RBFOX1: variants seen among roughly 807,000 people sequenced by gnomAD.
The protein encoded by RBFOX1 is RNA binding protein fox-1 homolog 1.
Under a neutral mutation model 57.7 loss-of-function variants are expected in RBFOX1, and 8 were observed. That is an observed-to-expected ratio of 0.14 (90% CI 0.08 to 0.25). The LOEUF (loss-of-function observed/expected upper bound fraction) is 0.25, where lower values mean the gene tolerates loss of function less well. Among genes scored for constraint, RBFOX1 ranks in the 10% least tolerant of loss-of-function variants. The pLI is 1.00. For synonymous variants in RBFOX1, 326 were observed against 222.4 expected, an observed-to-expected ratio of 1.47 and a Z score of -4.15; for missense variants, 611 against 548.5, an observed-to-expected ratio of 1.11 and a Z score of -1.14.
chr16:6,984,414 G>A (rs976020336), intron 3 of RBFOX1, among the ~76,000 whole-genome samples: 1 of 152,068 alleles, frequency 6.6e-6, no homozygotes, highest in East Asian at 1.9e-4. Flanking sequence ...CAGCCTAGGG[G>A]TATCTCCAGT....
At chr16:7,586,210 A>G (rs535989111) in intron 6 of RBFOX1, among the ~76,000 whole-genome samples, 7 of 152,170 alleles carry the variant, frequency 4.6e-5, no homozygotes, top group Admixed American at 6.5e-5. Context: ...ATGATTTTAC[A>G]TTACCCTCTC....
At position 5,623,408 on chromosome 16, in the gene RBFOX1, C is replaced by G. The variant is rs78506091; in HGVS notation, c.318+24447C>G. On this transcript the variant is annotated intron_variant, in intron 3 of 19. Transcript: ENST00000641259. ...CTGAACAAAACAAAACAGAGAAAGT[C>G]TCTACTCTCAGCGAGTTTCTGTTCT... is the stretch of plus-strand genomic sequence containing the variant. Among the ~76,000 whole-genome samples the G allele has an allele frequency of 6.0e-3, 907 of 152,260 alleles. 9 individuals carry two copies. Among genetic ancestry groups the G allele is most frequent in the African/African-American group, 0.021 (862 of 41,546 alleles).
chr16:7,374,307 T>C (rs1400224126), intron 4 of RBFOX1, among the ~76,000 whole-genome samples: 1 of 152,224 alleles, frequency 6.6e-6, no homozygotes, highest in African/African-American at 2.4e-5. Flanking sequence ...CGGAATGTCC[T>C]TCTTAAGGTG....
Position 6,791,203 on chromosome 16 carries a change from G to A in RBFOX1, c.-16+136553G>A, listed in dbSNP as rs78988286. ...GTTACTGGTGTGAGCCACCACACCC[G>A]GCCTGTTCTTGTCTATCTTTATAGA... is the stretch of plus-strand genomic sequence containing the variant. On this transcript the variant is annotated intron_variant, in intron 3 of 15. Coordinates refer to ENST00000550418, the MANE Select transcript of RBFOX1 (RefSeq NM_018723.4). 0.023 allele frequency among the ~76,000 whole-genome samples: 3,551 copies of A among 152,174 alleles called. 269 individuals carry two copies. In the East Asian group the frequency reaches 0.28, roughly 12 times the overall value.
At chr16:6,381,091 T>A (rs113311954) in intron 2 of RBFOX1, among the ~76,000 whole-genome samples, 235 of 152,162 alleles carry the variant, frequency 1.5e-3, no homozygotes, top group African/African-American at 5.4e-3. Context: ...TTTGGGAAGT[T>A]TTTGGAGGAA....
chr16:6,044,129 G>C (rs1231166856), intron 1 of RBFOX1, among the ~76,000 whole-genome samples: 1 of 152,168 alleles, frequency 6.6e-6, no homozygotes, highest in Non-Finnish European at 1.5e-5. Context: ...CTGATACAGT[G>C]ACTGAGGGTA....
chr16:6,160,866 T>C (rs527836136), intron 1 of RBFOX1, among the ~76,000 whole-genome samples: 1 of 152,298 alleles, frequency 6.6e-6, no homozygotes, highest in African/African-American at 2.4e-5. Context: ...GAGTGTCCTT[T>C]CCTCAGACAG....
intron 1 of RBFOX1, chr16:5,365,843 C>A (rs1596679011): frequency 1.2e-5 from 6 of 517,174 alleles, no homozygotes; most frequent in Non-Finnish European, 2.3e-5. Flanking sequence ...GGCCCCAGAA[C>A]TGTCTTTTCG....
intron 3 of RBFOX1, among the ~76,000 whole-genome samples, chr16:6,740,246 T>C (rs1377097701): frequency 2.0e-5 from 3 of 152,214 alleles, no homozygotes; most frequent in Non-Finnish European, 2.9e-5. Flanking sequence ...AAAATAAGAA[T>C]CGATAACAGT....
chr16:5,269,357 G>A (rs1264262624), intron 1 of RBFOX1, among the ~76,000 whole-genome samples: 1 of 152,178 alleles, frequency 6.6e-6, no homozygotes, highest in Non-Finnish European at 1.5e-5. Context: ...GTCTTCCTTG[G>A]AGATGTGCCA....
intron 2 of RBFOX1, among the ~76,000 whole-genome samples, chr16:5,477,155 C>G (rs2069354899): frequency 6.6e-6 from 1 of 152,170 alleles, no homozygotes; most frequent in Admixed American, 6.6e-5. Context: ...GCTGCAAGCA[C>G]AGGCGCATGC....
chr16:6,334,437 G>A (rs1034310133), intron 2 of RBFOX1, among the ~76,000 whole-genome samples: 1 of 148,070 alleles, frequency 6.8e-6, no homozygotes, highest in Non-Finnish European at 1.5e-5. Context: ...GAACCCAGGA[G>A]GTCTAGGTTG....
chr16:5,847,110 A>T (rs1362878178), intron 3 of RBFOX1, among the ~76,000 whole-genome samples: 3 of 152,202 alleles, frequency 2.0e-5, no homozygotes, highest in African/African-American at 7.2e-5. Context: ...TGCAAGGGCC[A>T]GGCTGTTCTC....
At chr16:6,521,786 A>G (rs1470934067) in intron 2 of RBFOX1, among the ~76,000 whole-genome samples, 4 of 152,154 alleles carry the variant, frequency 2.6e-5, no homozygotes, top group African/African-American at 7.2e-5. Context: ...CTCCTGTACA[A>G]CTGTGATTCT....
intron 2 of RBFOX1, among the ~76,000 whole-genome samples, chr16:5,555,167 T>G (rs751093396): frequency 6.6e-6 from 1 of 152,198 alleles, no homozygotes; most frequent in Non-Finnish European, 1.5e-5. Context: ...CCGCTATGGA[T>G]GTTGGTGGAT....
At chr16:5,908,326 A>T (rs915152784) in intron 4 of RBFOX1, among the ~76,000 whole-genome samples, 3 of 140,878 alleles carry the variant, frequency 2.1e-5, no homozygotes, top group Non-Finnish European at 3.0e-5. Context: ...ACACACACAT[A>T]TATATATGTG....
At chr16:5,369,448 A>C (rs2065805584) in intron 1 of RBFOX1, among the ~76,000 whole-genome samples, 1 of 152,226 alleles carries the variant, frequency 6.6e-6, no homozygotes, top group South Asian at 2.1e-4. Context: ...TTTGCAAAAG[A>C]CCTGCTCGGT....
At chr16:5,793,341 T>C (rs916841448) in intron 3 of RBFOX1, among the ~76,000 whole-genome samples, 1 of 152,252 alleles carries the variant, frequency 6.6e-6, no homozygotes, top group African/African-American at 2.4e-5. Flanking sequence ...TCTTGTTTTG[T>C]CAACATGCCA....
At chr16:5,665,635 T>C (rs2049818554) in intron 3 of RBFOX1, among the ~76,000 whole-genome samples, 1 of 152,178 alleles carries the variant, frequency 6.6e-6, no homozygotes, top group South Asian at 2.1e-4. Context: ...TGGCAGATAG[T>C]TGGCACTCAG....
Sources: gnomAD v4.1 joint callset for allele counts (sites outside exome capture counted in the v4.1 genomes callset) on GRCh38, gnomAD v4.1.1 for gene constraint, MANE v1.5 for transcripts, NCBI Gene and HGNC (gene_info 2026-07-23, HGNC 2026-07-21) for gene names.